The following ZEB2 variants were observed in gnomAD, a reference collection of about 807,000 sequenced individuals.
ZEB2 encodes zinc finger E-box binding homeobox 2.
ZEB2 carries 6 observed loss-of-function variants against 99.9 expected under a neutral mutation model. The ratio of observed to expected loss-of-function variants is 0.06; its 90% CI spans 0.03 to 0.12. The LOEUF (loss-of-function observed/expected upper bound fraction) is 0.12, where lower values mean the gene tolerates loss of function less well. ZEB2 is among the 10% of genes least tolerant of loss of function. The pLI is 1.00. For missense variants in ZEB2, 969 were observed against 1,502.8 expected (o/e 0.64, Z 5.87); for synonymous variants, 517 against 542.5 (o/e 0.95, Z 0.65).
intron 2 of ZEB2, among the ~76,000 whole-genome samples, chr2:144,509,133 T>C (rs1436637701): frequency 6.6e-6 from 1 of 152,340 alleles, no homozygotes; most frequent in East Asian, 1.9e-4. Context: ...TCTGAGTGTC[T>C]TTGGAGAGCC....
intron 2 of ZEB2, among the ~76,000 whole-genome samples, chr2:144,445,431 A>G (rs1291416635): frequency 1.3e-5 from 2 of 151,998 alleles, no homozygotes; most frequent in Non-Finnish European, 2.9e-5. Context: ...ACTCTTCCAC[A>G]TTCATTCTCT....
At position 144,386,433 on chromosome 2, in the gene ZEB2, A is replaced by G. The variant is rs958322556; in HGVS notation, c.*3018T>C. ...ATGGGACATTGTAGTGATTGTCACA[A>G]TTCACAAGTGTTATCCTGATATTTT... On this transcript the variant is annotated 3_prime_UTR_variant, in exon 10 of 10. Transcript: ENST00000627532. 1.3e-5 allele frequency: 2 copies of G among 152,192 alleles called. No individual in the cohort carries two copies. The highest frequency in any genetic ancestry group is 2.9e-5 in the Non-Finnish European group (2 of 68,012). The allele number at this position is 152,192 out of a possible 1,614,324, so 9.4% of individuals were successfully genotyped here. A position where few individuals can be genotyped will look rare whatever the true frequency, so the allele number is the denominator to read the frequency against.
At chr2:144,454,708 C>T (rs1027589826) in intron 2 of ZEB2, among the ~76,000 whole-genome samples, 1 of 152,070 alleles carries the variant, frequency 6.6e-6, no homozygotes, top group Non-Finnish European at 1.5e-5. Context: ...ATTCTGACAC[C>T]CACATGACTG....
At chr2:144,510,710 CTCTCTCTT>C (rs1263914159) in intron 2 of ZEB2, among the ~76,000 whole-genome samples, 2 of 151,840 alleles carry the variant, frequency 1.3e-5, no homozygotes, top group Admixed American at 6.6e-5. Context: ...CTCTCTCTCT[CTCTCTCTT>C]TCTCTCTCTC....
chr2:144,472,967 G>A (rs1034223085), intron 2 of ZEB2, among the ~76,000 whole-genome samples: 1 of 152,032 alleles, frequency 6.6e-6, no homozygotes, highest in African/African-American at 2.4e-5. Flanking sequence ...AGAATGAATG[G>A]ACCAAAAACA....
chr2:144,511,730 T>C lies in ZEB2; in HGVS notation c.73+5548A>G, dbSNP rs766304909. ...AACATACAAATAATGAGGAGGTGCC[T>C]GGATGTTTCAAGGCTTAAAAATGAA... On this transcript the variant is annotated intron_variant, in intron 2 of 9. Transcript: ENST00000627532. 14 of 1,286,080 alleles carry C rather than the reference T, an allele frequency of 1.1e-5. No homozygotes were observed. The South Asian group carries it at 1.5e-4, about 14-fold the overall frequency. 79.7% of individuals were successfully genotyped at this position (1,286,080 alleles called of 1,614,324 possible). A position where few individuals can be genotyped will look rare whatever the true frequency, so the allele number is the denominator to read the frequency against.
intron 2 of ZEB2, among the ~76,000 whole-genome samples, chr2:144,433,682 ATTACATTATATTAAATCCTCTCTACTC>A (rs1703801940): frequency 6.6e-6 from 1 of 152,190 alleles, no homozygotes; most frequent in Middle Eastern, 3.2e-3. Context: ...ACTTCACCAG[ATTACATTATATTAAATCCTCTCTACTC>A]TTCCTTCCAA....
chr2:144,515,157 A>G (rs1426217171), intron 2 of ZEB2, among the ~76,000 whole-genome samples: 1 of 152,008 alleles, frequency 6.6e-6, no homozygotes. Flanking sequence ...CTGCAAAAGA[A>G]CACTTCTGGG....
At chr2:144,475,436 A>G (rs1333166234) in intron 2 of ZEB2, among the ~76,000 whole-genome samples, 1 of 152,206 alleles carries the variant, frequency 6.6e-6, no homozygotes, top group African/African-American at 2.4e-5. Context: ...CCTATTACAC[A>G]TGGAAGAAAT....
intron 2 of ZEB2, among the ~76,000 whole-genome samples, chr2:144,468,776 T>G (rs948503777): frequency 6.6e-6 from 1 of 152,120 alleles, no homozygotes; most frequent in Non-Finnish European, 1.5e-5. Context: ...GAGCATATTC[T>G]GGGATGCTGT....
At position 144,454,289 on chromosome 2, in the gene ZEB2, C is replaced by T. The variant is rs138063848; in HGVS notation, c.74-24263G>A. On this transcript the variant is annotated intron_variant, in intron 2 of 9. Transcript: ENST00000627532. Reference sequence around the variant, plus strand: ...GATAGTAACTTTTTAAAAAACTCACCGACTGCTTAAAAACTAAAAGTTGAA... The same window carrying T: ...GATAGTAACTTTTTAAAAAACTCACTGACTGCTTAAAAACTAAAAGTTGAA... 3.0e-4 allele frequency among the ~76,000 whole-genome samples: 46 copies of T among 152,194 alleles called. 1 individual carries two copies. Among genetic ancestry groups the T allele is most frequent in the Non-Finnish European group, 4.9e-4 (33 of 68,002 alleles).
At chr2:144,481,430 A>T (rs1704509706) in intron 2 of ZEB2, among the ~76,000 whole-genome samples, 1 of 152,208 alleles carries the variant, frequency 6.6e-6, no homozygotes, top group Non-Finnish European at 1.5e-5. Flanking sequence ...TGGAAATTGT[A>T]TTTCTAAAGC....
chr2:144,470,373 T>C (rs1167667304), intron 2 of ZEB2: 1 of 152,198 alleles, frequency 6.6e-6, no homozygotes, highest in Admixed American at 6.5e-5. Flanking sequence ...AACTTTATAG[T>C]ACAAGATGAT....
chr2:144,398,716 A>G lies in ZEB2; in HGVS notation c.2471T>C (p.Met824Thr), dbSNP rs1553961536. 1 of 1,613,998 alleles carries G rather than the reference A, an allele frequency of 6.2e-7. No individual in the cohort carries two copies. The highest frequency in any genetic ancestry group is 1.7e-5 in the Admixed American group (1 of 60,002). The change falls in exon 8 of 10, where the codon ATG becomes ACG. Residue 824 changes from methionine to threonine, a missense_variant. This residue lies in a region of ZEB2 where 346 missense variants were observed against 460.0 expected (regional missense o/e 0.75). Transcript: ENST00000627532. ...GGCTATAATACTTTTGGGTTCTTTC[A>G]TTTGTTTTGGTAATGACAAGTCTAA... ...EPLDLSLPKQ[M>T]KEPKSIIATK... is the part of the protein sequence containing the mutation.
intron 2 of ZEB2, among the ~76,000 whole-genome samples, chr2:144,469,017 C>T (rs1375260698): frequency 3.9e-5 from 6 of 152,064 alleles, no homozygotes; most frequent in Admixed American, 3.3e-4. Flanking sequence ...ACACTCTTAC[C>T]CTTGCCAAGC....
intron 6 of ZEB2, among the ~76,000 whole-genome samples, chr2:144,401,526 T>C (rs1703310627): frequency 6.6e-6 from 1 of 152,230 alleles, no homozygotes; most frequent in African/African-American, 2.4e-5. Context: ...CATCCAACAC[T>C]TGCTTTAGAA....
At chr2:144,513,809 T>C (rs922086940) in intron 2 of ZEB2, 6 of 1,535,982 alleles carry the variant, frequency 3.9e-6, no homozygotes, top group Non-Finnish European at 5.2e-6. Flanking sequence ...TGTGTGGAGA[T>C]AGTGGGGTAT....
Position 144,398,702 on chromosome 2 carries a change from T to C in ZEB2, c.2485A>G (p.Ser829Gly). The change falls in exon 8 of 10, where the codon AGT (serine) becomes GGT (glycine). Residue 829 changes from serine (S) to glycine (G), a missense_variant. Around this residue, in one of 8 missense-constraint regions of ZEB2, gnomAD observed 346 missense variants for 460.0 expected, o/e 0.75. Coordinates refer to ENST00000627532, the MANE Select transcript of ZEB2 (RefSeq NM_014795.4). ...GTTTTGTTCTTTGTGGCTATAATAC[T>C]TTTGGGTTCTTTCATTTGTTTTGGT... ...SLPKQMKEPK[S>G]IIATKNKTKA... is the part of the protein sequence containing the mutation. 6.2e-7 allele frequency: 1 copy of C among 1,614,130 alleles called. No individual in the cohort carries two copies. The highest frequency in any genetic ancestry group is 1.1e-5 in the South Asian group (1 of 91,086).
intron 2 of ZEB2, among the ~76,000 whole-genome samples, chr2:144,476,078 A>T (rs1704425878): frequency 6.6e-6 from 1 of 152,172 alleles, no homozygotes; most frequent in African/African-American, 2.4e-5. Context: ...TGGTTCTTTC[A>T]GTGTGGAACT....
Sources: gnomAD v4.1 joint callset for allele counts (sites outside exome capture counted in the v4.1 genomes callset) on GRCh38, gnomAD v4.1.1 for gene constraint, gnomAD v4.1.1 regional missense constraint, MANE v1.5 for transcripts, NCBI Gene and HGNC (gene_info 2026-07-23, HGNC 2026-07-21) for gene names.